MYCBP2: variants seen among roughly 807,000 people sequenced by gnomAD.
The protein encoded by MYCBP2 is E3 ubiquitin-protein ligase MYCBP2.
In MYCBP2, 120 loss-of-function variants were observed where a neutral mutation model predicts 525.3. The observed-to-expected ratio is 0.23, with a 90% confidence interval of 0.20 to 0.27. The LOEUF is 0.27. Among genes scored for constraint, MYCBP2 ranks in the 10% least tolerant of loss-of-function variants. The pLI, the probability that MYCBP2 is intolerant of heterozygous loss-of-function variation, is 1.00. For missense variants in MYCBP2, 4,149 were observed against 5,657.1 expected (o/e 0.73, Z 8.55); for synonymous variants, 1,894 against 1,955.8 (o/e 0.97, Z 0.83).
intron 17 of MYCBP2, among the ~76,000 whole-genome samples, chr13:77,236,126 C>T (rs899086154): frequency 6.6e-6 from 1 of 152,206 alleles, no homozygotes; most frequent in Non-Finnish European, 1.5e-5. Context: ...AGGCTTTTTG[C>T]TGTCAGATAG....
At chr13:77,294,113 T>TATAC (rs1384208106) in intron 2 of MYCBP2, among the ~76,000 whole-genome samples, 17 of 52,890 alleles carry the variant, frequency 3.2e-4, no homozygotes, top group East Asian at 2.1e-3. Flanking sequence ...GCTATATATA[T>TATAC]ATATATATAT....
At chr13:77,298,451 C>T (rs1413013733) in intron 1 of MYCBP2, among the ~76,000 whole-genome samples, 2 of 152,170 alleles carry the variant, frequency 1.3e-5, no homozygotes, top group East Asian at 3.8e-4. Flanking sequence ...TCCAATAGTG[C>T]AGGGGCCCTG....
intron 82 of MYCBP2, among the ~76,000 whole-genome samples, chr13:77,046,374 A>G (rs1386883921): frequency 6.6e-6 from 1 of 152,218 alleles, no homozygotes; most frequent in Non-Finnish European, 1.5e-5. Flanking sequence ...AGTTTTCAAA[A>G]TAATAAATCT....
intron 2 of MYCBP2, among the ~76,000 whole-genome samples, chr13:77,290,866 T>C (rs1036130509): frequency 1.2e-4 from 18 of 152,174 alleles, no homozygotes; most frequent in Admixed American, 3.9e-4. Context: ...ACTGCATTCA[T>C]ACTGAAATCA....
At chr13:77,184,800 G>A (rs915288134) in intron 32 of MYCBP2, among the ~76,000 whole-genome samples, 5 of 152,066 alleles carry the variant, frequency 3.3e-5, no homozygotes, top group African/African-American at 1.2e-4. Context: ...GGGCCTCCTG[G>A]TGCTATCCCT....
intron 1 of MYCBP2, among the ~76,000 whole-genome samples, chr13:77,307,541 G>A (rs181909702): frequency 2.3e-4 from 32 of 141,014 alleles, no homozygotes; most frequent in Admixed American, 1.4e-3. Flanking sequence ...TGGGAAGATC[G>A]CTTTGGTCCA....
chr13:77,074,808 C>T (rs74966554), intron 68 of MYCBP2, among the ~76,000 whole-genome samples: 4,914 of 152,226 alleles, frequency 0.032, 215 homozygotes, highest in East Asian at 0.17. Flanking sequence ...GAAAAGGCAA[C>T]ACAACACTGG....
intron 73 of MYCBP2, 97 bp from the exon 74 acceptor site, chr13:77,062,794 G>T: frequency 1.1e-6 from 1 of 938,932 alleles, no homozygotes; most frequent in Non-Finnish European, 1.7e-6. Context: ...AATGCTGGCT[G>T]ATTTTGAAAA....
intron 46 of MYCBP2, among the ~76,000 whole-genome samples, chr13:77,153,957 T>C (rs2056882795): frequency 6.6e-6 from 1 of 152,134 alleles, no homozygotes; most frequent in Non-Finnish European, 1.5e-5. Flanking sequence ...ATTTTATAAG[T>C]AAAAAATTAT....
rs369278773 is a variant in MYCBP2 at position 77,296,977 on chromosome 13, T to A, written c.303-303A>T. 1.4e-4 allele frequency among the ~76,000 whole-genome samples: 21 copies of A among 152,286 alleles called. 1 individual carries two copies. The East Asian group carries it at 3.7e-3, about 27-fold the overall frequency. On this transcript the variant is annotated intron_variant, in intron 1 of 82. Coordinates refer to ENST00000544440, the MANE Select transcript of MYCBP2 (RefSeq NM_015057.5). ...ATCAAATGAAGTGTTTTATACTTTA[T>A]CCATAGTGGGATGTTTACAAATGTC...
At chr13:77,182,741 T>G (rs2060326214) in intron 32 of MYCBP2, among the ~76,000 whole-genome samples, 1 of 152,174 alleles carries the variant, frequency 6.6e-6, no homozygotes. Flanking sequence ...GCATTAGTGA[T>G]GACAATGATT....
At chr13:77,206,303 AT>A (rs2063330764) in intron 24 of MYCBP2, among the ~76,000 whole-genome samples, 1 of 150,540 alleles carries the variant, frequency 6.6e-6, no homozygotes, top group African/African-American at 2.4e-5. Context: ...AATTCATTAC[AT>A]TTTATAGAAT....
chr13:77,242,259 G>A (rs920292820), intron 17 of MYCBP2, among the ~76,000 whole-genome samples: 1 of 152,026 alleles, frequency 6.6e-6, no homozygotes, highest in Non-Finnish European at 1.5e-5. Flanking sequence ...GACTACAGGC[G>A]CACACCACCA....
intron 68 of MYCBP2, chr13:77,075,979 A>G (rs1427641451): frequency 1.3e-5 from 2 of 152,246 alleles, no homozygotes; most frequent in Non-Finnish European, 1.5e-5. Flanking sequence ...TTTATCTTTC[A>G]AAGGGCTGCC....
intron 32 of MYCBP2, among the ~76,000 whole-genome samples, chr13:77,184,575 T>C (rs187899690): frequency 4.5e-4 from 69 of 152,344 alleles, no homozygotes; most frequent in Middle Eastern, 3.4e-3. Flanking sequence ...CTCTATTAAT[T>C]ACTGAAAGAG....
rs770649883 is a variant in MYCBP2, at chr13:77,185,898, A to G, written c.4417T>C (p.Tyr1473His). Reference sequence around the variant, plus strand: ...GACACTGGGTAAATTTCACAGGTATAGACACGCAATAACCTCAGACAACAG... The same window carrying G: ...GACACTGGGTAAATTTCACAGGTATGGACACGCAATAACCTCAGACAACAG... ...GTCCLRLLRV[Y>H]TCEIYPVSAT... Residue 1473 changes from tyrosine (Y) to histidine (H), a missense_variant, in exon 31 of 83, where the codon TAT (tyrosine) becomes CAT (histidine). This residue lies in a region of MYCBP2 where 292 missense variants were observed against 330.5 expected (regional missense o/e 0.88). Coordinates refer to ENST00000544440, the MANE Select transcript of MYCBP2 (RefSeq NM_015057.5). 40 of 1,609,430 alleles carry G rather than the reference A, an allele frequency of 2.5e-5. No homozygotes were observed. The highest frequency in any genetic ancestry group is 3.3e-5 in the Non-Finnish European group (39 of 1,178,530).
intron 3 of MYCBP2, among the ~76,000 whole-genome samples, chr13:77,281,337 T>G (rs2076167798): frequency 6.6e-6 from 1 of 152,138 alleles, no homozygotes; most frequent in Non-Finnish European, 1.5e-5. Flanking sequence ...CGATTTTTAA[T>G]ACCTCTTTAG....
chr13:77,132,050 T>C (rs1183736654), intron 52 of MYCBP2, among the ~76,000 whole-genome samples: 2 of 152,168 alleles, frequency 1.3e-5, no homozygotes, highest in East Asian at 1.9e-4. Context: ...ATAGCGTATA[T>C]ATATTATTAC....
At chr13:77,206,363 T>G (rs992894135) in intron 24 of MYCBP2, among the ~76,000 whole-genome samples, 2 of 150,816 alleles carry the variant, frequency 1.3e-5, no homozygotes, top group Non-Finnish European at 3.0e-5. Flanking sequence ...TTGAAAATTT[T>G]ATCATATCTT....
Sources: allele counts gnomAD v4.1 joint callset (sites outside exome capture counted in the v4.1 genomes callset), GRCh38; gene constraint gnomAD v4.1.1; regional missense constraint gnomAD v4.1.1; transcripts MANE v1.5; gene names NCBI Gene and HGNC (gene_info 2026-07-23, HGNC 2026-07-21).